Variants in PHACTR1 observed in about 807,000 individuals in gnomAD.
PHACTR1 encodes RPEL repeat containing 1.
A neutral mutation model predicts 69.2 loss-of-function variants in PHACTR1; 16 were observed. The ratio of observed to expected loss-of-function variants is 0.23; its 90% CI spans 0.16 to 0.35. The LOEUF (loss-of-function observed/expected upper bound fraction) is 0.35, where lower values mean the gene tolerates loss of function less well. Ranked by LOEUF, PHACTR1 falls within the 10% of genes least tolerant of loss-of-function variation. The pLI is 1.00. For missense variants in PHACTR1, 510 were observed against 734.7 expected, an observed-to-expected ratio of 0.69 and a Z score of 3.54; for synonymous variants, 312 against 284.5, an observed-to-expected ratio of 1.10 and a Z score of -0.97.
rs183059167 is a variant in PHACTR1, at chr6:13,186,884, T to A, written c.664+4198T>A. ...ATACATAATTAAATCATTATACAGC[T>A]CACCATAATGTAGAATCTGTGGGAG... On this transcript the variant is annotated intron_variant, in intron 7 of 14. Transcript: ENST00000332995. Among the ~76,000 whole-genome samples, 8 of 152,284 alleles carry A rather than the reference T, an allele frequency of 5.3e-5. No homozygotes were observed. In the East Asian group the frequency reaches 1.5e-3, roughly 29 times the overall value.
chr6:12,958,640 G>A (rs1473336696), intron 4 of PHACTR1, among the ~76,000 whole-genome samples: 2 of 152,190 alleles, frequency 1.3e-5, no homozygotes, highest in Non-Finnish European at 2.9e-5. Flanking sequence ...GACTTCTAAA[G>A]AGCCTGAGAA....
At chr6:13,165,639 G>C (rs1485092620) in intron 6 of PHACTR1, among the ~76,000 whole-genome samples, 1 of 152,182 alleles carries the variant, frequency 6.6e-6, no homozygotes, top group East Asian at 1.9e-4. Context: ...TCAAGCGAAG[G>C]GGGAGGGGGT....
intron 4 of PHACTR1, among the ~76,000 whole-genome samples, chr6:12,777,068 T>C (rs192137700): frequency 6.6e-6 from 1 of 152,282 alleles, no homozygotes; most frequent in South Asian, 2.1e-4. Flanking sequence ...GGTGTGCCCA[T>C]AGCATCTATG....
chr6:13,236,091 A>ATTT (rs556107685), intron 10 of PHACTR1, among the ~76,000 whole-genome samples: 9,703 of 144,312 alleles, frequency 0.067, 604 homozygotes, highest in Admixed American at 0.21. Context: ...AACTATGGGC[A>ATTT]TTTTTTTTTT....
At chr6:12,966,690 A>G (rs1211478118) in intron 4 of PHACTR1, among the ~76,000 whole-genome samples, 1 of 151,910 alleles carries the variant, frequency 6.6e-6, no homozygotes, top group Non-Finnish European at 1.5e-5. Context: ...TTTTGTTGAT[A>G]TTGCAAAAGG....
intron 4 of PHACTR1, among the ~76,000 whole-genome samples, chr6:12,916,538 C>T (rs962246216): frequency 4.5e-4 from 52 of 114,328 alleles, no homozygotes; most frequent in African/African-American, 1.3e-3. Context: ...AGGGCATGGA[C>T]TGTTTTTTTT....
At chr6:13,254,190 C>T (rs182469795) in intron 10 of PHACTR1, among the ~76,000 whole-genome samples, 18 of 151,792 alleles carry the variant, frequency 1.2e-4, no homozygotes, top group African/African-American at 2.2e-4. Flanking sequence ...ATTGCAACAC[C>T]GCACTCCAGC....
At chr6:13,018,856 CATCT>C (rs1460916830) in intron 4 of PHACTR1, among the ~76,000 whole-genome samples, 2 of 151,910 alleles carry the variant, frequency 1.3e-5, no homozygotes, top group African/African-American at 4.8e-5. Flanking sequence ...GTGACCAACT[CATCT>C]ATCTGTTTGT....
chr6:13,248,017 A>G (rs979908224), intron 10 of PHACTR1, among the ~76,000 whole-genome samples: 2 of 152,198 alleles, frequency 1.3e-5, no homozygotes, highest in Admixed American at 6.5e-5. Context: ...TCCTCCTTCA[A>G]TTACTCGGCA....
At chr6:12,829,473 G>A (rs1477542909) in intron 4 of PHACTR1, among the ~76,000 whole-genome samples, 1 of 152,198 alleles carries the variant, frequency 6.6e-6, no homozygotes, top group East Asian at 1.9e-4. Context: ...GAAAGTATTT[G>A]AGTAGGTGAG....
chr6:12,782,213 G>T (rs1002562104), intron 4 of PHACTR1, among the ~76,000 whole-genome samples: 26 of 152,154 alleles, frequency 1.7e-4, no homozygotes, highest in African/African-American at 6.0e-4. Flanking sequence ...TCAACCCAAG[G>T]GTTGGCAGTC....
chr6:12,778,136 C>G lies in PHACTR1; in HGVS notation c.250+28346C>G, dbSNP rs529907505. Among the ~76,000 whole-genome samples, 5 of 152,278 alleles carry G rather than the reference C, an allele frequency of 3.3e-5. No individual in the cohort carries two copies. The East Asian group carries it at 9.6e-4, about 29-fold the overall frequency. The stretch of plus-strand genomic sequence containing the variant: ...TGAATTATTGTGTCTCTGGCATTGA[C>G]TTAATTATTTTTGTTATACACATAT... On this transcript the variant is annotated intron_variant, in intron 4 of 14. Transcript: ENST00000332995.
intron 5 of PHACTR1, among the ~76,000 whole-genome samples, chr6:13,135,182 G>A (rs1821360989): frequency 6.6e-6 from 1 of 152,172 alleles, no homozygotes; most frequent in Non-Finnish European, 1.5e-5. Flanking sequence ...TCTTCCAGCT[G>A]TGAATCAGGA....
At chr6:13,149,231 T>C (rs1225250645) in intron 5 of PHACTR1, among the ~76,000 whole-genome samples, 1 of 152,172 alleles carries the variant, frequency 6.6e-6, no homozygotes, top group African/African-American at 2.4e-5. Flanking sequence ...AGCCCCATGG[T>C]ACTCCATAAA....
intron 4 of PHACTR1, among the ~76,000 whole-genome samples, chr6:12,831,918 C>A (rs1777623284): frequency 6.6e-6 from 1 of 151,966 alleles, no homozygotes. Flanking sequence ...ATCTGAACAC[C>A]CTCCTCATTT....
rs558020310 is a variant in PHACTR1, at chr6:13,067,987, C to G, written c.415+14458C>G. Among the ~76,000 whole-genome samples, 7 of 152,254 alleles carry G rather than the reference C, an allele frequency of 4.6e-5. No individual in the cohort carries two copies. In the East Asian group the frequency reaches 9.7e-4, roughly 21 times the overall value. ...CTTGGCCAAGTTTTTTGTGTTTTCT[C>G]TGCCTCAGTTCCTTCATCTTTAACA... On this transcript the variant is annotated intron_variant, in intron 5 of 14. Transcript: ENST00000332995.
chr6:13,234,181 C>G (rs1208191968), intron 10 of PHACTR1, among the ~76,000 whole-genome samples: 2 of 152,194 alleles, frequency 1.3e-5, no homozygotes, highest in Non-Finnish European at 2.9e-5. Context: ...AATCCAAGAA[C>G]CAAAAAGTGA....
At chr6:12,789,926 C>G (rs1452417322) in intron 4 of PHACTR1, among the ~76,000 whole-genome samples, 1 of 130,390 alleles carries the variant, frequency 7.7e-6, no homozygotes, top group African/African-American at 2.8e-5. Flanking sequence ...TCCCTCCCCC[C>G]TCCCTCTTTT....
intron 6 of PHACTR1, among the ~76,000 whole-genome samples, chr6:13,165,687 G>A (rs1759694684): frequency 6.6e-6 from 1 of 152,164 alleles, no homozygotes; most frequent in African/African-American, 2.4e-5. Context: ...AGGACCTCTT[G>A]TGGGAGGTGA....
Sources: allele counts gnomAD v4.1 joint callset (sites outside exome capture counted in the v4.1 genomes callset), GRCh38; gene constraint gnomAD v4.1.1; transcripts MANE v1.5; gene names NCBI Gene and HGNC (gene_info 2026-07-23, HGNC 2026-07-21).